Variants in QRICH1 observed in about 807,000 individuals in gnomAD.
QRICH1 encodes the protein glutamine rich 1, also known as transcriptional regulator QRICH1.
A neutral mutation model predicts 87.1 loss-of-function variants in QRICH1; 16 were observed. That is an observed-to-expected ratio of 0.18 (90% CI 0.12 to 0.28). The LOEUF is 0.28. Ranked by LOEUF, QRICH1 falls within the 10% of genes least tolerant of loss-of-function variation. The pLI is 1.00. For missense variants in QRICH1, 647 were observed against 951.7 expected, an observed-to-expected ratio of 0.68 and a Z score of 4.21; for synonymous variants, 367 against 368.4, an observed-to-expected ratio of 1.00 and a Z score of 0.05.
At chr3:49,037,073 TAAAAAAAAAAAA>T (rs60963227) in intron 6 of QRICH1, among the ~76,000 whole-genome samples, 1 of 92,614 alleles carries the variant, frequency 1.1e-5, no homozygotes, top group South Asian at 4.4e-4. Context: ...CCCCGTCTCT[TAAAAAAAAAAAA>T]AAAAAAAAAA....
intron 2 of QRICH1, among the ~76,000 whole-genome samples, chr3:49,066,517 T>A (rs1315462989): frequency 6.6e-6 from 1 of 151,588 alleles, no homozygotes; most frequent in Admixed American, 6.6e-5. Context: ...TAGGCTGGAA[T>A]GCAGTGGCGC....
At chr3:49,045,055 C>A (rs2106857012) in intron 5 of QRICH1, among the ~76,000 whole-genome samples, 1 of 152,204 alleles carries the variant, frequency 6.6e-6, no homozygotes, top group Admixed American at 6.5e-5. Context: ...CTGTGGGTTT[C>A]TCCTCAAGAG....
intron 6 of QRICH1, among the ~76,000 whole-genome samples, chr3:49,034,079 T>TTATTATTATTATTA: frequency 1.4e-5 from 2 of 147,208 alleles, no homozygotes; most frequent in African/African-American, 5.0e-5. Flanking sequence ...TTTGGGGGAT[T>TTATTATTATTATTA]TTATTATTAT....
chr3:49,032,383 CG>C, intron 8 of QRICH1, 110 bp from the exon 9 acceptor site: 2 of 479,456 alleles, frequency 4.2e-6, no homozygotes, highest in East Asian at 3.8e-5. Flanking sequence ...AATACAGGGT[CG>C]GGGGAGGGAA....
chr3:49,046,619 G>T (rs374878535), intron 4 of QRICH1, 40 bp from the exon 5 acceptor site: 288 of 1,602,618 alleles, frequency 1.8e-4, no homozygotes, highest in Middle Eastern at 5.1e-4. Flanking sequence ...GGTCCTGGGG[G>T]TCCATATCTG....
At chr3:49,091,767 G>A (rs1052266634) in intron 1 of QRICH1, among the ~76,000 whole-genome samples, 8 of 152,108 alleles carry the variant, frequency 5.3e-5, no homozygotes, top group African/African-American at 1.9e-4. Context: ...GAACAAGCAA[G>A]CCTAAAAAAT....
chr3:49,067,016 C>T (rs2093472507), intron 2 of QRICH1, among the ~76,000 whole-genome samples: 1 of 150,372 alleles, frequency 6.7e-6, no homozygotes, highest in African/African-American at 2.4e-5. Flanking sequence ...CCAGCCTCAT[C>T]GACAGAGACT....
At chr3:49,089,330 G>C (rs2042229123) in intron 1 of QRICH1, among the ~76,000 whole-genome samples, 1 of 152,070 alleles carries the variant, frequency 6.6e-6, no homozygotes, top group Non-Finnish European at 1.5e-5. Flanking sequence ...AAAGTAATGG[G>C]ATTACAGGCA....
At chr3:49,033,531 A>T (rs952129799) in intron 6 of QRICH1, 3 of 245,066 alleles carry the variant, frequency 1.2e-5, no homozygotes, top group Non-Finnish European at 2.3e-5. Flanking sequence ...CTGCCCTCAG[A>T]GACAGTGAAG....
Position 49,057,469 on chromosome 3 carries a change from G to A in QRICH1, c.731C>T (p.Pro244Leu). ...RRVGTASVLQPVKKRKVDMPI... is the reference protein window; with the variant it reads ...RRVGTASVLQLVKKRKVDMPI... ...CATGTCCACTTTGCGCTTCTTCACT[G>A]GTTGGAGGACACTGGCCGTGCCAAC... Residue 244 changes from proline (P) to leucine (L), a missense_variant, in exon 3 of 10, where the codon CCA becomes CTA. Transcript: ENST00000395443. The surrounding 1 kb of genome is among the most constrained non-coding windows in gnomAD (Gnocchi z 5.4). 1 of 1,613,112 alleles carries A rather than the reference G, an allele frequency of 6.2e-7. No individual in the cohort carries two copies.
intron 3 of QRICH1, among the ~76,000 whole-genome samples, chr3:49,055,923 C>T (rs1336400612): frequency 6.6e-6 from 1 of 152,082 alleles, no homozygotes; most frequent in Admixed American, 6.6e-5. Context: ...TGGTGACTCA[C>T]CCGCCTTGGC....
At chr3:49,059,759 C>T (rs973898041) in intron 2 of QRICH1, among the ~76,000 whole-genome samples, 1 of 148,264 alleles carries the variant, frequency 6.7e-6, no homozygotes, top group Non-Finnish European at 1.5e-5. Flanking sequence ...TTCGCTCGTT[C>T]CCCAGGCTGG....
intron 2 of QRICH1, among the ~76,000 whole-genome samples, chr3:49,064,692 C>A (rs1042325296): frequency 1.3e-5 from 2 of 151,982 alleles, no homozygotes; most frequent in African/African-American, 4.8e-5. Flanking sequence ...GGTGAAACCC[C>A]GTCTATACTA....
intron 2 of QRICH1, among the ~76,000 whole-genome samples, chr3:49,063,920 T>A (rs1033121339): frequency 1.3e-5 from 2 of 152,160 alleles, no homozygotes; most frequent in South Asian, 2.1e-4. Context: ...ATTCTTTTTT[T>A]ATTTGAGATG....
intron 2 of QRICH1, among the ~76,000 whole-genome samples, chr3:49,069,104 ATTAT>A (rs1366726915): frequency 2.9e-5 from 3 of 103,090 alleles, no homozygotes; most frequent in African/African-American, 1.3e-4. Flanking sequence ...TATTATTATT[ATTAT>A]TTTTTTTTTT....
chr3:49,076,626 T>C (rs1350677574), intron 2 of QRICH1, 83 bp downstream of exon 2: 2 of 1,261,260 alleles, frequency 1.6e-6, no homozygotes, highest in African/African-American at 1.5e-5. Flanking sequence ...AACATCCACA[T>C]AGATGTGATG....
intron 8 of QRICH1, 57 bp from the exon 9 acceptor site, chr3:49,032,330 G>A: frequency 7.5e-7 from 1 of 1,335,524 alleles, no homozygotes. Context: ...CTTACCTCAG[G>A]CCCAGATCAG....
intron 6 of QRICH1, among the ~76,000 whole-genome samples, chr3:49,039,788 G>A (rs763757437): frequency 1.3e-5 from 2 of 151,952 alleles, no homozygotes; most frequent in East Asian, 1.9e-4. Context: ...GGCCAGGCTC[G>A]GTGGCTCATG....
chr3:49,059,348 A>T (rs1001678496), intron 2 of QRICH1, among the ~76,000 whole-genome samples: 5 of 149,536 alleles, frequency 3.3e-5, no homozygotes, highest in Non-Finnish European at 4.4e-5. Context: ...TAAACTTCAA[A>T]CTCCTCAAGT....
Sources: gnomAD v4.1 joint callset for allele counts (sites outside exome capture counted in the v4.1 genomes callset) on GRCh38, gnomAD v4.1.1 for gene constraint, Gnocchi (gnomAD v3.1) non-coding constraint, MANE v1.5 for transcripts, NCBI Gene and HGNC (gene_info 2026-07-23, HGNC 2026-07-21) for gene names.